Variants in CUL2 observed in about 807,000 individuals in gnomAD.
The protein encoded by CUL2 is cullin 2.
Under a neutral mutation model 110.2 loss-of-function variants are expected in CUL2, and 22 were observed. The ratio of observed to expected loss-of-function variants is 0.20; its 90% CI spans 0.14 to 0.28. The LOEUF (loss-of-function observed/expected upper bound fraction) is 0.28. Among genes scored for constraint, CUL2 ranks in the 10% least tolerant of loss-of-function variants. CUL2 has a pLI of 1.00. For missense variants in CUL2, 631 were observed against 905.5 expected (o/e 0.70, Z 3.89); for synonymous variants, 279 against 293.2 (o/e 0.95, Z 0.49).
chr10:35,087,261 T>C (rs1156700086), intron 1 of CUL2, among the ~76,000 whole-genome samples: 2 of 152,022 alleles, frequency 1.3e-5, no homozygotes, highest in Admixed American at 1.3e-4. Flanking sequence ...TCTCACCATG[T>C]TGCCCAGACT....
intron 5 of CUL2, among the ~76,000 whole-genome samples, chr10:35,050,814 T>C (rs1238655460): frequency 2.0e-5 from 3 of 152,254 alleles, no homozygotes; most frequent in African/African-American, 4.8e-5. Flanking sequence ...TTGGCCCACA[T>C]AAGCAACAGA....
chr10:35,075,635 AACACACACACACAC>A (rs34714483), intron 1 of CUL2, among the ~76,000 whole-genome samples: 1,499 of 140,988 alleles, frequency 0.011, 26 homozygotes, highest in African/African-American at 0.031. Flanking sequence ...TGGGCCCTAA[AACACACACACACAC>A]ACACACACAC....
intron 1 of CUL2, among the ~76,000 whole-genome samples, chr10:35,086,082 A>C (rs1360059880): frequency 3.9e-5 from 6 of 152,002 alleles, no homozygotes; most frequent in Non-Finnish European, 8.8e-5. Flanking sequence ...AAAAATACAA[A>C]AATTAGCTGA....
intron 1 of CUL2, among the ~76,000 whole-genome samples, chr10:35,108,374 C>T (rs2087488640): frequency 6.6e-6 from 1 of 150,674 alleles, no homozygotes; most frequent in Admixed American, 6.6e-5. Context: ...GGAGGATCAC[C>T]TGAGCCCAGG....
intron 12 of CUL2, 121 bp downstream of exon 12, chr10:35,032,314 A>G (rs1428081109): frequency 2.5e-6 from 2 of 793,260 alleles, no homozygotes; most frequent in Middle Eastern, 3.0e-4. Context: ...TACAATGTAG[A>G]TAATTTTCCT....
Position 35,016,206 on chromosome 10 carries a change from G to A in CUL2, c.1873C>T (p.His625Tyr), listed in dbSNP as rs1341883636. The A allele has an allele frequency of 6.2e-7, 1 of 1,612,642 alleles. No homozygotes were observed. The highest frequency in any genetic ancestry group is 8.5e-7 in the Non-Finnish European group (1 of 1,178,954). The change falls in exon 18 of 21, where the codon CAT (histidine) becomes TAT (tyrosine). Residue 625 changes from histidine to tyrosine, a missense_variant. Physicochemically the swap from His to Tyr is moderately conservative, Grantham distance 83. This residue lies in a region of CUL2 where 159 missense variants were observed against 202.7 expected (regional missense o/e 0.78). Coordinates refer to ENST00000374749, the MANE Select transcript of CUL2 (RefSeq NM_003591.4). ...TTACTACATACCTTTTCTGAATCAT[G>A]GTTAATCATTTTCACATCAAGTAAT... ...KSLLDVKMINHDSEKEDIDAE... is the reference protein window; with the variant it reads ...KSLLDVKMINYDSEKEDIDAE...
chr10:35,097,654 A>G (rs1207026720), intron 2 of CUL2, among the ~76,000 whole-genome samples: 2 of 152,088 alleles, frequency 1.3e-5, no homozygotes, highest in Non-Finnish European at 2.9e-5. Context: ...CCAGTCTATC[A>G]TGAGAAGAAT....
chr10:35,093,977 T>G (rs539164503), upstream of CUL2, among the ~76,000 whole-genome samples: 10 of 152,222 alleles, frequency 6.6e-5, no homozygotes, highest in East Asian at 1.9e-3. Context: ...ATTTTTAAAA[T>G]TAATCAGTAA....
rs74132496 is a variant in CUL2 at position 35,060,578 on chromosome 10, T to C, written c.317+296A>G. On this transcript the variant is annotated intron_variant, in intron 4 of 20. Coordinates refer to ENST00000374749, the MANE Select transcript of CUL2 (RefSeq NM_003591.4). The stretch of plus-strand genomic sequence containing the variant: ...GTTTCATGCAAGTTGAATTTTCACA[T>C]TGATCTCTGTTGAGATTAAACATGT... 6.7e-3 allele frequency among the ~76,000 whole-genome samples: 1,021 copies of C among 152,344 alleles called. 12 individuals are homozygous for C. The highest frequency in any genetic ancestry group is 0.023 in the African/African-American group (974 of 41,566).
At position 35,071,346 on chromosome 10, in the gene CUL2, A is replaced by G; in HGVS notation, c.-22-7T>C. The stretch of plus-strand genomic sequence containing the variant: ...GCAAGTGTAGTGTTGAAATCTGTCA[A>G]TTAAAAAACAATAACAATGTTAGCA... On this transcript the variant is annotated splice_polypyrimidine_tract_variant and splice_region_variant and intron_variant, in intron 1 of 20. Transcript: ENST00000374749. 2 of 1,598,026 alleles carry G rather than the reference A, an allele frequency of 1.3e-6. No individual in the cohort carries two copies. The highest frequency in any genetic ancestry group is 2.2e-5 in the South Asian group (2 of 89,494).
chr10:35,103,308 A>ATTTTTTTTTTTTTTTTTTTTTTTT (rs67257350), intron 1 of CUL2, among the ~76,000 whole-genome samples: 3 of 94,546 alleles, frequency 3.2e-5, no homozygotes, highest in Non-Finnish European at 6.1e-5. Context: ...GGCCAAGCTA[A>ATTTTTTTTTTTTTTTTTTTTTTTT]TTTTTTTTTT....
At chr10:35,036,021 C>A (rs2085612459) in intron 9 of CUL2, among the ~76,000 whole-genome samples, 1 of 152,162 alleles carries the variant, frequency 6.6e-6, no homozygotes, top group Non-Finnish European at 1.5e-5. Flanking sequence ...ACTGAATTAT[C>A]ACAAGTGAAC....
intron 1 of CUL2, among the ~76,000 whole-genome samples, chr10:35,083,238 G>A (rs1386346576): frequency 6.6e-6 from 1 of 151,888 alleles, no homozygotes; most frequent in Non-Finnish European, 1.5e-5. Flanking sequence ...TATAAATAAA[G>A]GGGAAAGGCA....
intron 11 of CUL2, among the ~76,000 whole-genome samples, chr10:35,032,719 A>G (rs2085509195): frequency 6.6e-6 from 1 of 152,230 alleles, no homozygotes; most frequent in Non-Finnish European, 1.5e-5. Flanking sequence ...GATATTCTGT[A>G]ACTCATTATC....
chr10:35,090,557 C>T (rs2087185379), upstream of CUL2: 1 of 152,586 alleles, frequency 6.6e-6, no homozygotes, highest in East Asian at 1.9e-4. Flanking sequence ...CAATCGTCCT[C>T]CTCTGCCTCC....
At chr10:35,042,826 G>A (rs550678520) in intron 8 of CUL2, among the ~76,000 whole-genome samples, 1 of 152,272 alleles carries the variant, frequency 6.6e-6, no homozygotes, top group East Asian at 1.9e-4. Flanking sequence ...ACAGTGTACT[G>A]TAGGACTTCA....
At chr10:35,093,659 C>CAAAAAAAAAAAAAAAA (rs58582764), upstream of CUL2, among the ~76,000 whole-genome samples, 14 of 87,796 alleles carry the variant, frequency 1.6e-4, no homozygotes, top group African/African-American at 4.0e-4. Flanking sequence ...GACCTTCTCT[C>CAAAAAAAAAAAAAAAA]AAAAAAAAAA....
At chr10:35,017,576 C>T (rs113023156) in intron 17 of CUL2, among the ~76,000 whole-genome samples, 3,931 of 151,966 alleles carry the variant, frequency 0.026, 166 homozygotes, top group African/African-American at 0.091. Context: ...TGCCTGTAAA[C>T]CCAGCTACTC....
At chr10:35,034,295 A>C (rs2085562742) in intron 10 of CUL2, among the ~76,000 whole-genome samples, 1 of 152,238 alleles carries the variant, frequency 6.6e-6, no homozygotes. Context: ...TAATAGAGTA[A>C]TAAACCTGAA....
Sources: allele counts gnomAD v4.1 joint callset (sites outside exome capture counted in the v4.1 genomes callset), GRCh38; gene constraint gnomAD v4.1.1; regional missense constraint gnomAD v4.1.1; transcripts MANE v1.5; gene names NCBI Gene and HGNC (gene_info 2026-07-23, HGNC 2026-07-21).